The following FBXL17 variants were observed in gnomAD, a reference collection of about 807,000 sequenced individuals.
FBXL17 encodes the protein F-box/LRR-repeat protein 17.
A neutral mutation model predicts 66.2 loss-of-function variants in FBXL17; 22 were observed. The ratio of observed to expected loss-of-function variants is 0.33; its 90% confidence interval spans 0.24 to 0.47. The LOEUF (loss-of-function observed/expected upper bound fraction) is 0.47. FBXL17 is among the 20% of genes least tolerant of loss of function. FBXL17 has a pLI of 1.00. For synonymous variants in FBXL17, 474 were observed against 400.5 expected (o/e 1.18, Z -2.19); for missense variants, 878 against 948.2 (o/e 0.93, Z 0.97).
rs528857473 is a variant in FBXL17 at position 108,015,975 on chromosome 5, C to T, written c.1822+4950G>A. ...CCTCTGGATCCTACCAGCATTATCC[C>T]TTTAGGAATGCAGAAACTAAACATC... On this transcript the variant is annotated intron_variant, in intron 7 of 8. Coordinates refer to ENST00000542267, the MANE Select transcript of FBXL17 (RefSeq NM_001163315.3). 9.9e-5 allele frequency among the ~76,000 whole-genome samples: 15 copies of T among 152,250 alleles called. No homozygotes were observed. The South Asian group carries it at 1.9e-3, about 19-fold the overall frequency.
intron 8 of FBXL17, among the ~76,000 whole-genome samples, chr5:107,872,400 T>G (rs1360338672): frequency 6.6e-6 from 1 of 152,240 alleles, no homozygotes; most frequent in African/African-American, 2.4e-5. Flanking sequence ...TACAATCCAT[T>G]AAATTATTAA....
intron 7 of FBXL17, among the ~76,000 whole-genome samples, chr5:108,000,698 T>C (rs777676534): frequency 7.2e-5 from 11 of 152,310 alleles, no homozygotes; most frequent in Non-Finnish European, 1.2e-4. Flanking sequence ...CTAGAGAGTA[T>C]CATATACCAG....
At chr5:107,905,413 C>T (rs575185402) in intron 7 of FBXL17, among the ~76,000 whole-genome samples, 24 of 152,204 alleles carry the variant, frequency 1.6e-4, no homozygotes, top group South Asian at 4.1e-4. Context: ...GCTTTGATTT[C>T]TCATATAATC....
chr5:108,159,388 GA>G (rs2150005002), intron 6 of FBXL17, among the ~76,000 whole-genome samples: 1 of 152,294 alleles, frequency 6.6e-6, no homozygotes, highest in Admixed American at 6.5e-5. Flanking sequence ...TGTGTCCCCT[GA>G]AAACTCATAT....
At chr5:107,941,237 A>T (rs999800040) in intron 7 of FBXL17, among the ~76,000 whole-genome samples, 1 of 152,198 alleles carries the variant, frequency 6.6e-6, no homozygotes, top group Admixed American at 6.6e-5. Flanking sequence ...ATGATGCAAC[A>T]TTGAAAAGCC....
chr5:108,078,486 C>T (rs1455489577), intron 6 of FBXL17, among the ~76,000 whole-genome samples: 1 of 152,150 alleles, frequency 6.6e-6, no homozygotes, highest in African/African-American at 2.4e-5. Flanking sequence ...AGAAGTGGCC[C>T]TGCAAAGCTG....
intron 5 of FBXL17, among the ~76,000 whole-genome samples, chr5:108,201,381 G>A (rs1013103211): frequency 1.3e-5 from 2 of 152,084 alleles, no homozygotes; most frequent in Non-Finnish European, 2.9e-5. Context: ...ACTTCCCTGT[G>A]GCTGATTGTG....
intron 4 of FBXL17, among the ~76,000 whole-genome samples, chr5:108,341,654 CA>C (rs1234047198): frequency 2.0e-5 from 3 of 152,232 alleles, no homozygotes; most frequent in Non-Finnish European, 4.4e-5. Context: ...TAGAGACTTT[CA>C]AATTTCACAG....
intron 6 of FBXL17, among the ~76,000 whole-genome samples, chr5:108,102,307 CTT>C (rs912743408): frequency 1.3e-5 from 2 of 152,116 alleles, no homozygotes; most frequent in African/African-American, 4.8e-5. Context: ...AAGAATATAA[CTT>C]ATTACAAATT....
chr5:108,111,477 C>A (rs529547582), intron 6 of FBXL17, among the ~76,000 whole-genome samples: 1 of 152,266 alleles, frequency 6.6e-6, no homozygotes, highest in East Asian at 1.9e-4. Context: ...TTTAAGCTAT[C>A]TTGGGAACTA....
intron 4 of FBXL17, among the ~76,000 whole-genome samples, chr5:108,346,007 CAG>C (rs1449966787): frequency 6.6e-6 from 1 of 152,080 alleles, no homozygotes; most frequent in African/African-American, 2.4e-5. Flanking sequence ...TTCTTTCTGA[CAG>C]TGTTCTCTGT....
intron 6 of FBXL17, among the ~76,000 whole-genome samples, chr5:108,103,605 T>C (rs1749682666): frequency 2.0e-5 from 3 of 152,220 alleles, no homozygotes; most frequent in African/African-American, 4.8e-5. Flanking sequence ...TTTTAGCTTT[T>C]ATGTCATGTA....
intron 7 of FBXL17, among the ~76,000 whole-genome samples, chr5:108,012,791 G>A (rs959546356): frequency 3.3e-5 from 5 of 152,096 alleles, no homozygotes; most frequent in Non-Finnish European, 4.4e-5. Flanking sequence ...CAAGGCAGGC[G>A]GATCACCTGA....
In FBXL17 at chr5:108,227,165, G is replaced by T. The variant is rs971939595; in HGVS notation, c.1507-2937C>A. ...AGTTTTATTATATTAAAAACTCAGA[G>T]CTGAAAGGAGTGGGGCCCAAGGAAC... On this transcript the variant is annotated intron_variant, in intron 4 of 8. Transcript: ENST00000542267. Among the ~76,000 whole-genome samples the T allele has an allele frequency of 2.6e-5, 4 of 152,212 alleles. No homozygotes were observed. The South Asian group carries it at 8.3e-4, about 32-fold the overall frequency.
At chr5:108,213,700 G>A (rs920543623) in intron 5 of FBXL17, among the ~76,000 whole-genome samples, 3 of 152,094 alleles carry the variant, frequency 2.0e-5, no homozygotes, top group African/African-American at 7.2e-5. Flanking sequence ...TATCATTTTC[G>A]CTGGGAGCTG....
At chr5:108,099,150 C>T (rs1473339796) in intron 6 of FBXL17, among the ~76,000 whole-genome samples, 1 of 152,004 alleles carries the variant, frequency 6.6e-6, no homozygotes, top group African/African-American at 2.4e-5. Flanking sequence ...ATGCCCATCC[C>T]CCAACTAAGC....
intron 6 of FBXL17, among the ~76,000 whole-genome samples, chr5:108,111,355 A>G (rs1342983259): frequency 1.3e-5 from 2 of 152,236 alleles, no homozygotes; most frequent in African/African-American, 4.8e-5. Context: ...TATAACTTAG[A>G]TATCAATGTT....
At chr5:108,184,368 G>A (rs1375048497) in intron 6 of FBXL17, among the ~76,000 whole-genome samples, 9 of 152,102 alleles carry the variant, frequency 5.9e-5, no homozygotes, top group East Asian at 1.9e-4. Context: ...GTGTAGTGGT[G>A]TGATCTCGGC....
chr5:107,894,536 T>C (rs1749309737), intron 7 of FBXL17, among the ~76,000 whole-genome samples: 1 of 152,156 alleles, frequency 6.6e-6, no homozygotes, highest in Admixed American at 6.6e-5. Flanking sequence ...TTCCCTGCCT[T>C]CTTCAGGCCG....
Sources: allele counts gnomAD v4.1 joint callset (sites outside exome capture counted in the v4.1 genomes callset), GRCh38; gene constraint gnomAD v4.1.1; transcripts MANE v1.5; gene names NCBI Gene and HGNC (gene_info 2026-07-23, HGNC 2026-07-21).